LGSN: variants seen among roughly 807,000 people sequenced by gnomAD.
LGSN encodes lengsin.
Under a neutral mutation model 19.5 loss-of-function variants are expected in LGSN, and 21 were observed. The ratio of observed to expected loss-of-function variants is 1.07; its 90% CI spans 0.76 to 1.55. The LOEUF is 1.55. Among genes scored for constraint, LGSN ranks in the 40% most tolerant of loss-of-function variants. LGSN has a pLI of 0.00. For synonymous variants in LGSN, 257 were observed against 215.6 expected, an observed-to-expected ratio of 1.19 and a Z score of -1.68; for missense variants, 673 against 608.5, an observed-to-expected ratio of 1.11 and a Z score of -1.12.
the LGSN span, among the ~76,000 whole-genome samples, chr6:63,344,008 G>C: frequency 2.6e-5 from 4 of 152,108 alleles, no homozygotes; most frequent in African/African-American, 9.7e-5. Flanking sequence ...ACAGATGGAA[G>C]CCACATTTGG....
At chr6:63,299,310 A>C (rs1403473096) in intron 1 of LGSN, among the ~76,000 whole-genome samples, 1 of 152,208 alleles carries the variant, frequency 6.6e-6, no homozygotes, top group African/African-American at 2.4e-5. Context: ...AAGAGAGGAA[A>C]GACTAAGTTA....
chr6:63,393,260 T>G, the LGSN span, among the ~76,000 whole-genome samples: 1 of 151,336 alleles, frequency 6.6e-6, no homozygotes, highest in Non-Finnish European at 1.5e-5. Context: ...CTCTATCTCC[T>G]GGGTTCAAGC....
chr6:63,279,197 G>C lies in LGSN; in HGVS notation c.*824C>G, dbSNP rs533833607. 6.6e-6 allele frequency: 1 copy of C among 152,288 alleles called. No homozygotes were observed. Among genetic ancestry groups the C allele is most frequent in the South Asian group, 2.1e-4 (1 of 4,824 alleles). 9.4% of individuals were successfully genotyped at this position (152,288 alleles called of 1,614,324 possible). A position where few individuals can be genotyped will look rare whatever the true frequency, so the allele number is the denominator to read the frequency against. On this transcript the variant is annotated 3_prime_UTR_variant, in exon 4 of 4. Coordinates refer to ENST00000370657, the MANE Select transcript of LGSN (RefSeq NM_016571.3). ...CCACAGAGCACTAGAGGTTTCAGAGGAACATCTAGTTTCAAAGAATGAAGC... is the reference window on the plus strand; with the variant it reads ...CCACAGAGCACTAGAGGTTTCAGAGCAACATCTAGTTTCAAAGAATGAAGC...
At chr6:63,437,045 G>C in the LGSN span, among the ~76,000 whole-genome samples, 130 of 120,614 alleles carry the variant, frequency 1.1e-3, no homozygotes, top group Non-Finnish European at 1.9e-3. Context: ...AAAAAAGAAA[G>C]AAAAGGGAAG....
chr6:63,359,644 A>C, the LGSN span, among the ~76,000 whole-genome samples: 1 of 152,052 alleles, frequency 6.6e-6, no homozygotes, highest in Non-Finnish European at 1.5e-5. Flanking sequence ...GTATTCTCTG[A>C]TGGTAGTTTG....
At chr6:63,321,255 T>G (rs76487664), upstream of LGSN, among the ~76,000 whole-genome samples, 5,049 of 152,286 alleles carry the variant, frequency 0.033, 285 homozygotes, top group African/African-American at 0.12. Flanking sequence ...TTTTACAACT[T>G]TTTCTTGCAT....
chr6:63,392,243 G>A, the LGSN span: 1 of 152,406 alleles, frequency 6.6e-6, no homozygotes, highest in African/African-American at 2.4e-5. Flanking sequence ...CTGCCAACCA[G>A]ACACCCAGCC....
At chr6:63,406,278 T>C in the LGSN span, among the ~76,000 whole-genome samples, 12 of 152,134 alleles carry the variant, frequency 7.9e-5, no homozygotes, top group Non-Finnish European at 1.8e-4. Context: ...TAGTTGGAAG[T>C]AAAGCACTCC....
the LGSN span, among the ~76,000 whole-genome samples, chr6:63,487,252 G>A: frequency 6.6e-6 from 1 of 152,132 alleles, no homozygotes; most frequent in South Asian, 2.1e-4. Flanking sequence ...TTACAGGCAT[G>A]AGCTACCACA....
chr6:63,562,546 G>A, the LGSN span, among the ~76,000 whole-genome samples: 1 of 152,168 alleles, frequency 6.6e-6, no homozygotes, highest in Non-Finnish European at 1.5e-5. Context: ...GATACTTCAA[G>A]TGATATCACC....
chr6:63,306,779 A>C (rs1477448704), intron 1 of LGSN, among the ~76,000 whole-genome samples: 1 of 152,254 alleles, frequency 6.6e-6, no homozygotes, highest in Non-Finnish European at 1.5e-5. Flanking sequence ...AGGAGCCAAC[A>C]CAGGAGTCCA....
At chr6:63,320,784 G>A (rs972441249), upstream of LGSN, among the ~76,000 whole-genome samples, 11 of 152,196 alleles carry the variant, frequency 7.2e-5, no homozygotes, top group African/African-American at 2.2e-4. Context: ...CCATGTGGAA[G>A]TGTATAGTCT....
At chr6:63,531,975 A>G in the LGSN span, among the ~76,000 whole-genome samples, 3 of 151,692 alleles carry the variant, frequency 2.0e-5, no homozygotes, top group African/African-American at 4.8e-5. Flanking sequence ...TAATTTTTGT[A>G]TTTTTAGTAG....
chr6:63,356,897 T>C, the LGSN span, among the ~76,000 whole-genome samples: 1 of 152,240 alleles, frequency 6.6e-6, no homozygotes, highest in African/African-American at 2.4e-5. Flanking sequence ...TTGTTACATA[T>C]ATATACATGT....
the LGSN span, among the ~76,000 whole-genome samples, chr6:63,532,886 G>T: frequency 7.2e-5 from 11 of 152,206 alleles, 1 homozygote; most frequent in East Asian, 2.1e-3. Context: ...AATTATATCT[G>T]CTTTTTAGCT....
At chr6:63,283,616 ATCTT>A (rs1326041735) in intron 3 of LGSN, among the ~76,000 whole-genome samples, 1 of 126,318 alleles carries the variant, frequency 7.9e-6, no homozygotes, top group African/African-American at 2.5e-5. Context: ...GCACAAATGA[ATCTT>A]TTTTTTTTTT....
At chr6:63,471,216 G>C in the LGSN span, among the ~76,000 whole-genome samples, 202 of 151,338 alleles carry the variant, frequency 1.3e-3, 1 homozygote, top group Admixed American at 6.3e-3. Context: ...GACCTCAGGT[G>C]ATCCACATGC....
At chr6:63,547,536 TG>T in the LGSN span, among the ~76,000 whole-genome samples, 1 of 131,416 alleles carries the variant, frequency 7.6e-6, no homozygotes, top group Non-Finnish European at 1.6e-5. Flanking sequence ...GATGGAGTCT[TG>T]CTCTGTCGCC....
the LGSN span, among the ~76,000 whole-genome samples, chr6:63,460,816 GT>G: frequency 6.6e-6 from 1 of 152,142 alleles, no homozygotes; most frequent in Admixed American, 6.5e-5. Flanking sequence ...ACTTTTGGCT[GT>G]TCTCTTCTGT....
Sources: gnomAD v4.1 joint callset for allele counts (sites outside exome capture counted in the v4.1 genomes callset) on GRCh38, gnomAD v4.1.1 for gene constraint, MANE v1.5 for transcripts, NCBI Gene and HGNC (gene_info 2026-07-23, HGNC 2026-07-21) for gene names.